RBMS1: variants seen among roughly 807,000 people sequenced by gnomAD.
RBMS1 encodes the protein RNA binding motif single stranded interacting protein 1.
RBMS1 carries 17 observed loss-of-function variants against 62.3 expected under a neutral mutation model. The observed-to-expected ratio is 0.27, with a 90% CI of 0.19 to 0.41. The LOEUF is 0.41. Among genes scored for constraint, RBMS1 ranks in the 10% least tolerant of loss-of-function variants. The pLI, the probability that RBMS1 is intolerant of heterozygous loss-of-function variation, is 1.00. For missense variants in RBMS1, 334 were observed against 504.5 expected, an observed-to-expected ratio of 0.66 and a Z score of 3.24; for synonymous variants, 172 against 170.0, an observed-to-expected ratio of 1.01 and a Z score of -0.09.
chr2:160,393,562 G>A (rs1056660942), intron 1 of RBMS1, among the ~76,000 whole-genome samples: 26 of 152,060 alleles, frequency 1.7e-4, no homozygotes, highest in African/African-American at 5.6e-4. Context: ...GCAGAGCACC[G>A]AGGTCGGGAG....
intron 1 of RBMS1, among the ~76,000 whole-genome samples, chr2:160,438,276 T>A (rs1340941521): frequency 1.3e-5 from 2 of 151,440 alleles, no homozygotes; most frequent in South Asian, 2.1e-4. Flanking sequence ...TTTTTTTTTT[T>A]TTATTGATCA....
intron 2 of RBMS1, among the ~76,000 whole-genome samples, chr2:160,341,804 G>C (rs1228475124): frequency 2.6e-5 from 4 of 152,084 alleles, no homozygotes; most frequent in Admixed American, 2.0e-4. Context: ...CTTCCATTTT[G>C]AATCTCACAA....
chr2:160,358,444 GT>G (rs1692928321), intron 2 of RBMS1, among the ~76,000 whole-genome samples: 1 of 152,064 alleles, frequency 6.6e-6, no homozygotes. Flanking sequence ...CATTTATTAT[GT>G]GTCATCCTAT....
At chr2:160,338,780 A>AG (rs1691710608) in intron 2 of RBMS1, among the ~76,000 whole-genome samples, 1 of 152,238 alleles carries the variant, frequency 6.6e-6, no homozygotes, top group Non-Finnish European at 1.5e-5. Flanking sequence ...TAGTGGCCAT[A>AG]AGACAGAGAA....
At chr2:160,430,911 G>A (rs1028570939) in intron 1 of RBMS1, among the ~76,000 whole-genome samples, 2 of 151,482 alleles carry the variant, frequency 1.3e-5, no homozygotes, top group African/African-American at 4.8e-5. Flanking sequence ...ATAATGATGG[G>A]GCGCTTAGCA....
At chr2:160,376,071 A>C (rs939757516) in intron 1 of RBMS1, among the ~76,000 whole-genome samples, 1 of 152,152 alleles carries the variant, frequency 6.6e-6, no homozygotes, top group African/African-American at 2.4e-5. Context: ...TACAGTCTGT[A>C]TCTTAGTATT....
At chr2:160,445,627 T>C (rs1339009670) in intron 1 of RBMS1, among the ~76,000 whole-genome samples, 2 of 152,220 alleles carry the variant, frequency 1.3e-5, no homozygotes, top group East Asian at 1.9e-4. Flanking sequence ...GAATAATTCA[T>C]GTTGTAAGTG....
intron 1 of RBMS1, among the ~76,000 whole-genome samples, chr2:160,488,510 A>AG (rs1685690376): frequency 6.6e-6 from 1 of 152,216 alleles, no homozygotes; most frequent in Non-Finnish European, 1.5e-5. Context: ...TGGGAGGCAG[A>AG]GGTTGTAGTG....
chr2:160,391,945 G>C (rs948284212), intron 1 of RBMS1, among the ~76,000 whole-genome samples: 9 of 150,782 alleles, frequency 6.0e-5, no homozygotes, highest in African/African-American at 2.0e-4. Flanking sequence ...GGGGCGCAGA[G>C]GGAGACTCCA....
At chr2:160,337,752 C>T (rs566213253) in intron 2 of RBMS1, among the ~76,000 whole-genome samples, 1 of 152,258 alleles carries the variant, frequency 6.6e-6, no homozygotes, top group South Asian at 2.1e-4. Flanking sequence ...TCCGCAGCCT[C>T]TACTTGTCTG....
intron 7 of RBMS1, among the ~76,000 whole-genome samples, chr2:160,286,327 T>A (rs1163269338): frequency 3.4e-5 from 5 of 146,088 alleles, no homozygotes; most frequent in Admixed American, 6.8e-5. Flanking sequence ...TTTATTTTGT[T>A]TTTTTTTTTT....
At chr2:160,483,615 T>A (rs529523801) in intron 1 of RBMS1, among the ~76,000 whole-genome samples, 1 of 152,316 alleles carries the variant, frequency 6.6e-6, no homozygotes, top group South Asian at 2.1e-4. Context: ...CAGACCCACT[T>A]GGTCCCTGAT....
intron 4 of RBMS1, among the ~76,000 whole-genome samples, chr2:160,312,099 T>C (rs1689958175): frequency 6.6e-6 from 1 of 152,188 alleles, no homozygotes; most frequent in Admixed American, 6.5e-5. Flanking sequence ...TGGGGGGAGA[T>C]GCACAAGACA....
intron 1 of RBMS1, among the ~76,000 whole-genome samples, chr2:160,460,398 C>T (rs777724265): frequency 6.6e-6 from 1 of 152,206 alleles, no homozygotes; most frequent in African/African-American, 2.4e-5. Context: ...ATCCTGGCAA[C>T]AGCTCTGCAA....
intron 1 of RBMS1, among the ~76,000 whole-genome samples, chr2:160,418,071 T>C (rs1696275586): frequency 6.6e-6 from 1 of 152,206 alleles, no homozygotes; most frequent in Non-Finnish European, 1.5e-5. Flanking sequence ...AGTGCATTTA[T>C]ATAATAAGAA....
chr2:160,444,725 G>A (rs1683565698), intron 1 of RBMS1, among the ~76,000 whole-genome samples: 1 of 152,168 alleles, frequency 6.6e-6, no homozygotes, highest in Non-Finnish European at 1.5e-5. Context: ...AGTTAAATGA[G>A]GTCAAAAGGC....
chr2:160,431,163 A>G (rs1004078789), intron 1 of RBMS1, among the ~76,000 whole-genome samples: 2 of 144,306 alleles, frequency 1.4e-5, no homozygotes. Flanking sequence ...AAATTAGACT[A>G]TTGCCTAGGT....
chr2:160,434,112 G>A (rs1683018836), intron 1 of RBMS1, among the ~76,000 whole-genome samples: 3 of 152,130 alleles, frequency 2.0e-5, no homozygotes, highest in Admixed American at 6.5e-5. Flanking sequence ...AAATGACTTC[G>A]ATATGAGCAC....
chr2:160,426,218 G>GAAGAAAGA (rs57929883), intron 1 of RBMS1, among the ~76,000 whole-genome samples: 2,290 of 48,674 alleles, frequency 0.047, 198 homozygotes, highest in East Asian at 0.09. Flanking sequence ...GAGAGAGACA[G>GAAGAAAGA]AAGAAAGAAA....
Sources: gnomAD v4.1 joint callset for allele counts (sites outside exome capture counted in the v4.1 genomes callset) on GRCh38, gnomAD v4.1.1 for gene constraint, MANE v1.5 for transcripts, NCBI Gene and HGNC (gene_info 2026-07-23, HGNC 2026-07-21) for gene names.